SLC38A10: variants seen among roughly 807,000 people sequenced by gnomAD.
SLC38A10 encodes the protein solute carrier family 38 member 10, also known as Sodium-coupled neutral amino acid transporter 10.
A neutral mutation model predicts 81.0 loss-of-function variants in SLC38A10; 53 were observed. That is an observed-to-expected ratio of 0.65 (90% confidence interval 0.53 to 0.82). The LOEUF (loss-of-function observed/expected upper bound fraction) is 0.82, where lower values mean the gene tolerates loss of function less well. Ranked by LOEUF, SLC38A10 falls within the 40% of genes least tolerant of loss-of-function variation. The pLI is 0.00. For missense variants in SLC38A10, 1,471 were observed against 1,545.0 expected (o/e 0.95, Z 0.80); for synonymous variants, 665 against 655.3 (o/e 1.01, Z -0.23).
Position 81,245,933 on chromosome 17 carries a change from G to A in SLC38A10, c.2983C>T (p.Pro995Ser). The change falls in exon 16 of 16, where the codon CCT becomes TCT. Residue 995 changes from proline to serine, a missense_variant. This residue lies in a region of SLC38A10 where 751 missense variants were observed against 717.4 expected (regional missense o/e 1.05). Transcript: ENST00000374759. ...CCTCTCGGCTGCTCGTGGGACACAG[G>A]CACATGGTCCCCCCCGCGGGCCTTT... The part of the protein sequence containing the change: ...MRKARGGDHV[P>S]VSHEQPRGGE... 6.2e-7 allele frequency: 1 copy of A among 1,609,514 alleles called. No homozygotes were observed. Among genetic ancestry groups the A allele is most frequent in the Non-Finnish European group, 8.5e-7 (1 of 1,177,844 alleles).
intron 2 of SLC38A10, chr17:81,285,742 C>A (rs756734355): frequency 6.6e-6 from 1 of 152,284 alleles, no homozygotes; most frequent in Non-Finnish European, 1.5e-5. Context: ...CCGTCGGCAG[C>A]CCCAGCTTCC....
At chr17:81,279,092 G>A (rs1471633443) in intron 6 of SLC38A10, among the ~76,000 whole-genome samples, 3 of 152,222 alleles carry the variant, frequency 2.0e-5, no homozygotes, top group Non-Finnish European at 4.4e-5. Flanking sequence ...CTGAGCCTCA[G>A]GGCCTACCAG....
At chr17:81,272,910 G>A (rs553044564) in intron 8 of SLC38A10, among the ~76,000 whole-genome samples, 4 of 152,288 alleles carry the variant, frequency 2.6e-5, no homozygotes, top group East Asian at 1.9e-4. Flanking sequence ...GAGTCCTTCC[G>A]TTTTCCTTTT....
chr17:81,283,838 T>G lies in SLC38A10; in HGVS notation c.264-336A>C, dbSNP rs1260239948. Among the ~76,000 whole-genome samples the G allele has an allele frequency of 1.3e-5, 2 of 151,406 alleles. No homozygotes were observed. The highest frequency in any genetic ancestry group is 4.8e-5 in the African/African-American group (2 of 41,314). ...GTTAGCCAGGATGGTCTCGATCTCC[T>G]GACCTCTGTGATCCGCCTGCCTCAG... On this transcript the variant is annotated intron_variant, in intron 3 of 15. Coordinates refer to ENST00000374759, the MANE Select transcript of SLC38A10 (RefSeq NM_001037984.3). This position sits in a 1 kb window ranked among gnomAD's most constrained non-coding sequence, Gnocchi z 4.7.
rs2063176174 is a variant in SLC38A10, at chr17:81,277,900, G to C, written c.627-767C>G. The stretch of plus-strand genomic sequence containing the variant: ...GGCACACGCCAGAGCACAGGTGAGA[G>C]CTGCTCTGCCATGGGGCTGAACGAG... On this transcript the variant is annotated intron_variant, in intron 6 of 15. Coordinates refer to ENST00000374759, the MANE Select transcript of SLC38A10 (RefSeq NM_001037984.3). This position sits in a 1 kb window ranked among gnomAD's most constrained non-coding sequence, Gnocchi z 4.5. 6.6e-6 allele frequency among the ~76,000 whole-genome samples: 1 copy of C among 152,182 alleles called. No homozygotes were observed.
intron 1 of SLC38A10, among the ~76,000 whole-genome samples, chr17:81,291,809 G>A (rs1193132915): frequency 2.0e-5 from 3 of 152,126 alleles, no homozygotes; most frequent in Non-Finnish European, 2.9e-5. Context: ...CACGCATGGC[G>A]GTGCAGCGGA....
intron 12 of SLC38A10, among the ~76,000 whole-genome samples, 186 bp from the exon 13 acceptor site, chr17:81,252,869 G>A (rs1567926424): frequency 1.3e-5 from 2 of 152,246 alleles, no homozygotes; most frequent in Admixed American, 6.5e-5. Context: ...TTCAACAGGG[G>A]CAGCTGCAAA....
At chr17:81,282,633 G>C (rs976982887) in intron 4 of SLC38A10, among the ~76,000 whole-genome samples, 1 of 152,202 alleles carries the variant, frequency 6.6e-6, no homozygotes, top group African/African-American at 2.4e-5. Flanking sequence ...GCTGTGAGTC[G>C]GACTCAGCTG....
At chr17:81,248,501 C>G (rs1381497985) in intron 14 of SLC38A10, among the ~76,000 whole-genome samples, 1 of 152,250 alleles carries the variant, frequency 6.6e-6, no homozygotes, top group East Asian at 1.9e-4. Context: ...CGCTTCAACA[C>G]TGGCCAGTTA....
At chr17:81,252,156 G>C (rs1374213694) in intron 13 of SLC38A10, 39 bp downstream of exon 13, 3 of 1,491,514 alleles carry the variant, frequency 2.0e-6, no homozygotes, top group Non-Finnish European at 2.7e-6. Context: ...CAGCCCAAGA[G>C]GGGAGTGTCT....
At chr17:81,292,670 C>T (rs971057017) in intron 1 of SLC38A10, among the ~76,000 whole-genome samples, 2 of 152,204 alleles carry the variant, frequency 1.3e-5, no homozygotes, top group African/African-American at 2.4e-5. Flanking sequence ...CACTTCCTGA[C>T]AGGTCTGTGC....
rs1311438830 is a variant in SLC38A10 at position 81,276,229 on chromosome 17, G to C, written c.730-78C>G. The C allele has an allele frequency of 1.6e-5, 22 of 1,349,968 alleles. No individual in the cohort carries two copies. Among genetic ancestry groups the C allele is most frequent in the Non-Finnish European group, 2.2e-5 (22 of 998,472 alleles). The allele number at this position is 1,349,968 out of a possible 1,614,324, so 83.6% of individuals were successfully genotyped here. On this transcript the variant is annotated intron_variant, in intron 7 of 15. Transcript: ENST00000374759. This position sits in a 1 kb window ranked among gnomAD's most constrained non-coding sequence, Gnocchi z 4.7. ...GCACCTGTCACAGTGGGCAGGGCATGGGGGGGACCTGTGCCCTGCCCCCCA... is the reference window on the plus strand; with the variant it reads ...GCACCTGTCACAGTGGGCAGGGCATCGGGGGGACCTGTGCCCTGCCCCCCA...
chr17:81,290,832 C>G (rs1292838384), intron 1 of SLC38A10, among the ~76,000 whole-genome samples: 1 of 151,982 alleles, frequency 6.6e-6, no homozygotes, highest in South Asian at 2.1e-4. Flanking sequence ...ATGGTGAAAT[C>G]CCATCTCTAC....
Position 81,277,084 on chromosome 17 carries a change from T to C in SLC38A10, c.676A>G (p.Met226Val), listed in dbSNP as rs748695881. ...AGGGAGGAAGCAAATATGGAGCTCA[T>C]GGTTTTCACTGACGGCTCATCCAGG... ...DSLDEPSVKT[M>V]SSIFASSLNV... The change falls in exon 7 of 16, where the codon ATG becomes GTG. Residue 226 changes from methionine (M) to valine (V), a missense_variant. Transcript: ENST00000374759. The surrounding 1 kb of genome is among the most constrained non-coding windows in gnomAD (Gnocchi z 4.5). 1.2e-6 allele frequency: 2 copies of C among 1,613,988 alleles called. No homozygotes were observed. The highest frequency in any genetic ancestry group is 1.7e-6 in the Non-Finnish European group (2 of 1,179,942).
rs1276252723 is a variant in SLC38A10 at position 81,286,432 on chromosome 17, C to G, written c.218-1537G>C. On this transcript the variant is annotated intron_variant, in intron 2 of 15. Coordinates refer to ENST00000374759, the MANE Select transcript of SLC38A10 (RefSeq NM_001037984.3). The surrounding 1 kb of genome is among the most constrained non-coding windows in gnomAD (Gnocchi z 6.0). ...GCCCCACGCGCCTTCTTTTCCCCACCTGGGCCAAACCCTCACCCGCCATTC... is the reference window on the plus strand; with the variant it reads ...GCCCCACGCGCCTTCTTTTCCCCACGTGGGCCAAACCCTCACCCGCCATTC... 2.0e-5 allele frequency among the ~76,000 whole-genome samples: 3 copies of G among 152,186 alleles called. No homozygotes were observed. Among genetic ancestry groups the G allele is most frequent in the Non-Finnish European group, 4.4e-5 (3 of 68,034 alleles).
chr17:81,256,515 C>T lies in SLC38A10; in HGVS notation c.1289-3275G>A, dbSNP rs546670733. Among the ~76,000 whole-genome samples, 3 of 152,342 alleles carry T rather than the reference C, an allele frequency of 2.0e-5. No homozygotes were observed. In the South Asian group the frequency reaches 6.2e-4, roughly 32 times the overall value. ...TGATCAGTAAAGGTGGAGACAGTCA[C>T]ATCAGACGGCCCCCAGACGAAGTGA... On this transcript the variant is annotated intron_variant, in intron 11 of 15. Coordinates refer to ENST00000374759, the MANE Select transcript of SLC38A10 (RefSeq NM_001037984.3).
intron 11 of SLC38A10, among the ~76,000 whole-genome samples, chr17:81,258,921 C>T (rs1241545357): frequency 6.6e-6 from 1 of 152,216 alleles, no homozygotes; most frequent in East Asian, 1.9e-4. Context: ...CTGCACGGAA[C>T]CCAGAAGGCA....
intron 10 of SLC38A10, among the ~76,000 whole-genome samples, chr17:81,261,881 G>A (rs2063027031): frequency 1.3e-5 from 2 of 152,222 alleles, no homozygotes; most frequent in Non-Finnish European, 2.9e-5. Flanking sequence ...ACTGTCTGAT[G>A]TACGTTCCGG....
intron 10 of SLC38A10, among the ~76,000 whole-genome samples, chr17:81,268,383 C>T (rs1390569160): frequency 1.3e-5 from 2 of 152,048 alleles, no homozygotes; most frequent in Non-Finnish European, 2.9e-5. Flanking sequence ...AATATCAATA[C>T]TTTTTTCTTT....
Sources: allele counts gnomAD v4.1 joint callset (sites outside exome capture counted in the v4.1 genomes callset), GRCh38; gene constraint gnomAD v4.1.1; regional missense constraint gnomAD v4.1.1; non-coding constraint Gnocchi (gnomAD v3.1); transcripts MANE v1.5; gene names NCBI Gene and HGNC (gene_info 2026-07-23, HGNC 2026-07-21).